Variants in SLC8A1 observed in about 807,000 individuals in gnomAD.
The protein encoded by SLC8A1 is solute carrier family 8 member A1.
In SLC8A1, 18 loss-of-function variants were observed where a neutral mutation model predicts 68.3. The ratio of observed to expected loss-of-function variants is 0.26; its 90% CI spans 0.18 to 0.39. SLC8A1 has a LOEUF of 0.39. Among genes scored for constraint, SLC8A1 ranks in the 10% least tolerant of loss-of-function variants. The probability of loss-of-function intolerance (pLI) is 1.00; values close to 1 mark genes in which losing one functional copy is unlikely to be tolerated. For missense variants in SLC8A1, 985 were observed against 1,156.7 expected (o/e 0.85, Z 2.15); for synonymous variants, 475 against 415.5 (o/e 1.14, Z -1.74).
chr2:40,394,994 G>A (rs1686466428), intron 2 of SLC8A1, among the ~76,000 whole-genome samples: 1 of 152,130 alleles, frequency 6.6e-6, no homozygotes, highest in South Asian at 2.1e-4. Context: ...TCCCACAAAA[G>A]ATGTGCACAA....
chr2:40,225,259 C>A (rs946029012), intron 2 of SLC8A1, among the ~76,000 whole-genome samples: 1 of 152,112 alleles, frequency 6.6e-6, no homozygotes, highest in Non-Finnish European at 1.5e-5. Context: ...TACGACCTTG[C>A]TAAGCTTTCA....
At chr2:40,165,670 T>C (rs1362750800) in intron 4 of SLC8A1, among the ~76,000 whole-genome samples, 2 of 152,132 alleles carry the variant, frequency 1.3e-5, no homozygotes, top group African/African-American at 4.8e-5. Flanking sequence ...GGTGAGGCCT[T>C]TCGGGAGTTA....
At chr2:40,177,698 A>T in intron 3 of SLC8A1, 6 of 1,062,832 alleles carry the variant, frequency 5.6e-6, no homozygotes, top group South Asian at 1.4e-5. Context: ...GTAGGGAGAC[A>T]CGGAGAGAGA....
chr2:40,376,675 T>C (rs1679986090), intron 2 of SLC8A1, among the ~76,000 whole-genome samples: 1 of 152,082 alleles, frequency 6.6e-6, no homozygotes, highest in Admixed American at 6.6e-5. Flanking sequence ...TGGAGTCACT[T>C]AGCCAGTGGA....
At chr2:40,412,219 G>C (rs1342831269) in intron 2 of SLC8A1, among the ~76,000 whole-genome samples, 1 of 152,080 alleles carries the variant, frequency 6.6e-6, no homozygotes, top group Non-Finnish European at 1.5e-5. Flanking sequence ...GTGATCTCAT[G>C]CAACTGCGAC....
At chr2:40,356,556 T>C (rs542811841) in intron 2 of SLC8A1, among the ~76,000 whole-genome samples, 29 of 151,674 alleles carry the variant, frequency 1.9e-4, no homozygotes, top group African/African-American at 6.3e-4. Flanking sequence ...AGATATTGGA[T>C]AATGTTAAAA....
chr2:40,253,074 ATG>A (rs1467084616), intron 2 of SLC8A1, among the ~76,000 whole-genome samples: 10 of 118,416 alleles, frequency 8.4e-5, no homozygotes, highest in African/African-American at 1.2e-4. Flanking sequence ...TATACTATAT[ATG>A]TGTATAAATG....
chr2:40,226,394 AG>A (rs2058983312), intron 2 of SLC8A1, among the ~76,000 whole-genome samples: 1 of 152,198 alleles, frequency 6.6e-6, no homozygotes, highest in South Asian at 2.1e-4. Flanking sequence ...GTGGTCCGTA[AG>A]AAATTATAAT....
chr2:40,243,697 G>C (rs1303373544), intron 2 of SLC8A1, among the ~76,000 whole-genome samples: 1 of 152,170 alleles, frequency 6.6e-6, no homozygotes, highest in Admixed American at 6.6e-5. Context: ...GAAGGGTATT[G>C]CATTTTTCCT....
intron 2 of SLC8A1, among the ~76,000 whole-genome samples, chr2:40,343,582 G>GA: frequency 6.6e-6 from 1 of 152,284 alleles, no homozygotes; most frequent in African/African-American, 2.4e-5. Context: ...TATGTATTAG[G>GA]ATCTGTAAGA....
At chr2:40,435,038 G>C (rs980242364) in intron 1 of SLC8A1, among the ~76,000 whole-genome samples, 2 of 152,128 alleles carry the variant, frequency 1.3e-5, no homozygotes, top group African/African-American at 2.4e-5. Context: ...AGGAGGACGT[G>C]ACTCAGAGCA....
At chr2:40,385,143 T>C (rs1683145804) in intron 2 of SLC8A1, among the ~76,000 whole-genome samples, 2 of 152,088 alleles carry the variant, frequency 1.3e-5, no homozygotes, top group Non-Finnish European at 2.9e-5. Flanking sequence ...TAATTGCAAA[T>C]AGTACGGTCA....
At chr2:40,253,787 A>G (rs926953137) in intron 2 of SLC8A1, among the ~76,000 whole-genome samples, 2 of 138,494 alleles carry the variant, frequency 1.4e-5, no homozygotes, top group Non-Finnish European at 3.0e-5. Flanking sequence ...AGATCATGCC[A>G]TTGCACTCCA....
Position 40,372,584 on chromosome 2 carries a change from C to A in SLC8A1, c.1808+55889G>T, listed in dbSNP as rs550870624. 3.3e-5 allele frequency among the ~76,000 whole-genome samples: 5 copies of A among 152,222 alleles called. No homozygotes were observed. In the South Asian group the frequency reaches 1.0e-3, roughly 32 times the overall value. On this transcript the variant is annotated intron_variant, in intron 2 of 7. Transcript: ENST00000406785. ...TATTAACTTTTCTTGTGGTTGACTT[C>A]TTTTCTTTTTTTCTCCTTTCTCTAC...
chr2:40,333,221 G>C (rs565238088), intron 2 of SLC8A1, among the ~76,000 whole-genome samples: 200 of 151,986 alleles, frequency 1.3e-3, no homozygotes, highest in African/African-American at 4.7e-3. Context: ...GGCGGATCAC[G>C]ACGTCAGGAG....
chr2:40,332,007 T>C (rs577882109), intron 2 of SLC8A1, among the ~76,000 whole-genome samples: 1 of 152,160 alleles, frequency 6.6e-6, no homozygotes, highest in South Asian at 2.1e-4. Flanking sequence ...TGGAGTGCAG[T>C]GGTGTGATCA....
intron 1 of SLC8A1, among the ~76,000 whole-genome samples, chr2:40,466,161 G>A (rs1050456062): frequency 4.6e-5 from 7 of 152,088 alleles, no homozygotes; most frequent in East Asian, 1.9e-4. Flanking sequence ...AATTGAGTCC[G>A]AAGGAATTGA....
intron 2 of SLC8A1, among the ~76,000 whole-genome samples, chr2:40,387,411 T>G (rs1683901216): frequency 6.6e-6 from 1 of 151,366 alleles, no homozygotes; most frequent in Non-Finnish European, 1.5e-5. Flanking sequence ...ATGAACTGGC[T>G]AAAGTTTCCA....
intron 2 of SLC8A1, among the ~76,000 whole-genome samples, chr2:40,344,246 G>A (rs887787268): frequency 6.6e-6 from 1 of 152,178 alleles, no homozygotes; most frequent in Non-Finnish European, 1.5e-5. Context: ...TTTCTCCTGA[G>A]ACAATGCAAA....
Sources: allele counts gnomAD v4.1 joint callset (sites outside exome capture counted in the v4.1 genomes callset), GRCh38; gene constraint gnomAD v4.1.1; transcripts MANE v1.5; gene names NCBI Gene and HGNC (gene_info 2026-07-23, HGNC 2026-07-21).